HS2ST1: variants seen among roughly 807,000 people sequenced by gnomAD.
HS2ST1 encodes heparan sulfate 2-O-sulfotransferase 1, also known as 2-O-sulfotransferase.
A neutral mutation model predicts 42.9 loss-of-function variants in HS2ST1; 18 were observed. The ratio of observed to expected loss-of-function variants is 0.42; its 90% CI spans 0.29 to 0.62. The LOEUF is 0.62. Ranked by LOEUF, HS2ST1 falls within the 20% of genes least tolerant of loss-of-function variation. The pLI, the probability that HS2ST1 is intolerant of heterozygous loss-of-function variation, is 0.21. For synonymous variants in HS2ST1, 146 were observed against 152.9 expected (o/e 0.95, Z 0.33); for missense variants, 334 against 433.8 (o/e 0.77, Z 2.04).
intron 1 of HS2ST1, among the ~76,000 whole-genome samples, chr1:86,977,066 A>T (rs139706977): frequency 6.6e-6 from 1 of 152,204 alleles, no homozygotes; most frequent in Admixed American, 6.5e-5. Context: ...CAAAACAACA[A>T]CAACAACAAA....
At chr1:87,046,004 A>G (rs945007510) in intron 1 of HS2ST1, 5 of 699,108 alleles carry the variant, frequency 7.2e-6, no homozygotes, top group South Asian at 6.7e-5. Flanking sequence ...GATCAAAGGC[A>G]CAGGTTGCCA....
chr1:87,023,699 T>G (rs1650009360), intron 1 of HS2ST1, among the ~76,000 whole-genome samples: 1 of 152,128 alleles, frequency 6.6e-6, no homozygotes, highest in Admixed American at 6.5e-5. Context: ...AAGGATATAT[T>G]GAATGGGATA....
At chr1:86,977,100 TG>T (rs1282133501) in intron 1 of HS2ST1, among the ~76,000 whole-genome samples, 2 of 152,128 alleles carry the variant, frequency 1.3e-5, no homozygotes, top group African/African-American at 4.8e-5. Flanking sequence ...TAATCTGATT[TG>T]GTATAAATGA....
intron 1 of HS2ST1, among the ~76,000 whole-genome samples, chr1:86,944,129 G>A (rs1477817259): frequency 6.6e-6 from 1 of 152,044 alleles, no homozygotes; most frequent in Non-Finnish European, 1.5e-5. Context: ...TAATGTATAG[G>A]TTGGTCTTAT....
intron 1 of HS2ST1, among the ~76,000 whole-genome samples, chr1:86,961,109 G>A (rs1433546123): frequency 2.0e-5 from 3 of 149,108 alleles, no homozygotes; most frequent in Admixed American, 1.4e-4. Context: ...GAGTTATCAG[G>A]CCATGAAAAG....
chr1:86,965,623 G>A (rs1054938407), intron 1 of HS2ST1, among the ~76,000 whole-genome samples: 22 of 152,082 alleles, frequency 1.4e-4, no homozygotes, highest in African/African-American at 5.3e-4. Context: ...GATTTAATTG[G>A]TCTTGGGGTG....
chr1:86,931,214 T>A (rs1370670300), intron 1 of HS2ST1, among the ~76,000 whole-genome samples: 1 of 152,076 alleles, frequency 6.6e-6, no homozygotes, highest in African/African-American at 2.4e-5. Context: ...TTATTTCACA[T>A]TTATTATTCA....
chr1:87,080,467 G>C (rs891160012), intron 2 of HS2ST1, among the ~76,000 whole-genome samples: 10 of 152,124 alleles, frequency 6.6e-5, no homozygotes, highest in African/African-American at 2.2e-4. Flanking sequence ...GATTTTCAGT[G>C]TCCAATTTGT....
chr1:86,931,515 G>C (rs983986925), intron 1 of HS2ST1, among the ~76,000 whole-genome samples: 11 of 152,010 alleles, frequency 7.2e-5, no homozygotes, highest in Non-Finnish European at 7.4e-5. Context: ...AGCCAGGAAA[G>C]CAGATTTCAT....
At chr1:87,078,309 T>C (rs1651597411) in intron 2 of HS2ST1, among the ~76,000 whole-genome samples, 1 of 152,222 alleles carries the variant, frequency 6.6e-6, no homozygotes, top group African/African-American at 2.4e-5. Flanking sequence ...AGCTTTTTCC[T>C]GTAACATCAG....
chr1:86,920,598 C>T (rs1170002171), intron 1 of HS2ST1, among the ~76,000 whole-genome samples: 1 of 152,178 alleles, frequency 6.6e-6, no homozygotes, highest in African/African-American at 2.4e-5. Flanking sequence ...CTGTCCACCA[C>T]TCTGGTAGGC....
intron 1 of HS2ST1, among the ~76,000 whole-genome samples, chr1:87,019,032 A>C (rs1372910957): frequency 2.0e-5 from 3 of 152,190 alleles, no homozygotes; most frequent in Admixed American, 6.5e-5. Flanking sequence ...ATTTCACTAT[A>C]ATGTTAGTTT....
intron 1 of HS2ST1, among the ~76,000 whole-genome samples, chr1:86,923,406 T>TG (rs1660341300): frequency 6.6e-6 from 1 of 151,654 alleles, no homozygotes; most frequent in Admixed American, 6.6e-5. Context: ...GCCTTTTTTT[T>TG]TTTTTTTTGA....
At chr1:86,946,745 C>T (rs2102181482) in intron 1 of HS2ST1, among the ~76,000 whole-genome samples, 2 of 152,232 alleles carry the variant, frequency 1.3e-5, no homozygotes, top group South Asian at 4.1e-4. Flanking sequence ...AGCTTAGTAA[C>T]CTAATTAATG....
intron 6 of HS2ST1, among the ~76,000 whole-genome samples, chr1:87,104,156 A>G (rs1235744936): frequency 6.6e-6 from 1 of 152,174 alleles, no homozygotes; most frequent in African/African-American, 2.4e-5. Flanking sequence ...TCAAAAATAA[A>G]CTAGTCTCAG....
At chr1:86,960,436 T>C (rs968936624) in intron 1 of HS2ST1, among the ~76,000 whole-genome samples, 25 of 152,176 alleles carry the variant, frequency 1.6e-4, no homozygotes, top group African/African-American at 5.1e-4. Flanking sequence ...GTTGTTAAGT[T>C]GGACTTCGTT....
chr1:86,967,116 C>A (rs1026125485), intron 1 of HS2ST1, among the ~76,000 whole-genome samples: 3 of 152,128 alleles, frequency 2.0e-5, no homozygotes, highest in African/African-American at 7.2e-5. Context: ...GTCTCGAACT[C>A]CTGACCTCAG....
intron 1 of HS2ST1, among the ~76,000 whole-genome samples, chr1:86,935,168 ATAGT>A (rs1444350016): frequency 5.9e-5 from 9 of 151,832 alleles, no homozygotes; most frequent in African/African-American, 2.2e-4. Context: ...ACTTTGTCTA[ATAGT>A]TCTTGTGTTA....
intron 1 of HS2ST1, among the ~76,000 whole-genome samples, chr1:86,963,964 G>A (rs1363312635): frequency 1.3e-5 from 2 of 151,490 alleles, no homozygotes; most frequent in South Asian, 2.1e-4. Context: ...CAAATGGGTC[G>A]GCTGCCGGGC....
Sources: gnomAD v4.1 joint callset for allele counts (sites outside exome capture counted in the v4.1 genomes callset) on GRCh38, gnomAD v4.1.1 for gene constraint, MANE v1.5 for transcripts, NCBI Gene and HGNC (gene_info 2026-07-23, HGNC 2026-07-21) for gene names.